Variants in COMMD7 observed in about 807,000 individuals in gnomAD.
COMMD7 encodes the protein COMM domain containing 7, also known as COMM domain-containing protein 7.
COMMD7 carries 28 observed loss-of-function variants against 34.8 expected under a neutral mutation model. That is an observed-to-expected ratio of 0.80 (90% confidence interval 0.60 to 1.10). The LOEUF is 1.10. Among genes scored for constraint, COMMD7 ranks in the 50% least tolerant of loss-of-function variants. The pLI is 0.00. For synonymous variants in COMMD7, 80 were observed against 86.4 expected, an observed-to-expected ratio of 0.93 and a Z score of 0.41; for missense variants, 211 against 241.6, an observed-to-expected ratio of 0.87 and a Z score of 0.84.
chr20:32,731,313 A>G (rs1985824462), intron 1 of COMMD7, among the ~76,000 whole-genome samples: 1 of 152,162 alleles, frequency 6.6e-6, no homozygotes, highest in African/African-American at 2.4e-5. Context: ...ACAAGATCCT[A>G]GCTCAAAAAA....
intron 3 of COMMD7, 119 bp downstream of exon 3, chr20:32,727,774 G>A (rs567853791): frequency 7.4e-4 from 577 of 784,478 alleles, no homozygotes; most frequent in Non-Finnish European, 1.1e-3. Context: ...TCCCACCCAC[G>A]TCTGGCTCAT....
At chr20:32,724,328 C>T (rs1241832491) in intron 3 of COMMD7, among the ~76,000 whole-genome samples, 3 of 20,118 alleles carry the variant, frequency 1.5e-4, no homozygotes, top group African/African-American at 4.8e-4. Context: ...GGGGGGTCAG[C>T]CCCCCGCCCG....
chr20:32,729,647 C>G (rs988673034), intron 1 of COMMD7, among the ~76,000 whole-genome samples: 3 of 150,700 alleles, frequency 2.0e-5, no homozygotes, highest in Non-Finnish European at 4.4e-5. Flanking sequence ...AGGGAGTCAT[C>G]TACAAGCCAG....
At chr20:32,720,413 T>A (rs566071274) in intron 3 of COMMD7, among the ~76,000 whole-genome samples, 1 of 152,210 alleles carries the variant, frequency 6.6e-6, no homozygotes, top group Non-Finnish European at 1.5e-5. Context: ...GAGAATCGCT[T>A]GAACCCGGGA....
intron 3 of COMMD7, among the ~76,000 whole-genome samples, chr20:32,718,979 T>C (rs1480326052): frequency 6.6e-6 from 1 of 152,156 alleles, no homozygotes; most frequent in East Asian, 1.9e-4. Context: ...ACTGATCTGG[T>C]GGTTTCTTAA....
At chr20:32,714,928 T>G (rs1048476703) in intron 3 of COMMD7, among the ~76,000 whole-genome samples, 2 of 151,648 alleles carry the variant, frequency 1.3e-5, no homozygotes, top group Non-Finnish European at 1.5e-5. Context: ...GAGAATCGCT[T>G]GAACCCAGGA....
At position 32,714,295 on chromosome 20, in the gene COMMD7, G is replaced by A. The variant is rs563244784; in HGVS notation, c.242-7535C>T. On this transcript the variant is annotated intron_variant, in intron 3 of 8. Transcript: ENST00000278980. ...GTGTGTATGTTGCTAAAAAGAACTC[G>A]TTGGGGAGTGGGGAAGGGGAGTTAC... Among the ~76,000 whole-genome samples, 63 of 152,228 alleles carry A rather than the reference G, an allele frequency of 4.1e-4. 1 individual carries two copies. The South Asian group carries it at 0.012, about 30-fold the overall frequency.
chr20:32,718,140 C>T (rs986692734), intron 3 of COMMD7, among the ~76,000 whole-genome samples: 2 of 151,464 alleles, frequency 1.3e-5, no homozygotes, highest in African/African-American at 4.8e-5. Context: ...TGCGGTGGCT[C>T]ACGCCTGTAA....
intron 3 of COMMD7, among the ~76,000 whole-genome samples, chr20:32,707,843 A>G (rs576791121): frequency 5.3e-5 from 8 of 152,108 alleles, no homozygotes; most frequent in East Asian, 1.9e-4. Flanking sequence ...TGTAGCCACT[A>G]TTGCATGTGG....
At chr20:32,737,947 TAAAAAAAA>T (rs34007684) in intron 1 of COMMD7, among the ~76,000 whole-genome samples, 1 of 144,698 alleles carries the variant, frequency 6.9e-6, no homozygotes, top group African/African-American at 2.5e-5. Flanking sequence ...TCCAGTATCT[TAAAAAAAA>T]AAAAAAGAAA....
intron 3 of COMMD7, among the ~76,000 whole-genome samples, chr20:32,727,669 T>C (rs1985592394): frequency 6.6e-6 from 1 of 151,582 alleles, no homozygotes; most frequent in African/African-American, 2.4e-5. Flanking sequence ...TAACCCAAGA[T>C]GCACACTGAA....
chr20:32,717,125 C>T (rs901920489), intron 3 of COMMD7, among the ~76,000 whole-genome samples: 2 of 151,930 alleles, frequency 1.3e-5, no homozygotes, highest in Non-Finnish European at 2.9e-5. Flanking sequence ...GCCACCGTGC[C>T]CAGCCCGGGT....
At chr20:32,704,162 C>A in intron 7 of COMMD7, 91 bp from the exon 8 acceptor site, 1 of 1,096,648 alleles carries the variant, frequency 9.1e-7, no homozygotes, top group African/African-American at 1.6e-5. Context: ...AAGCTTCCAA[C>A]CTGAGAGTCA....
chr20:32,716,957 A>G (rs1984828019), intron 3 of COMMD7, among the ~76,000 whole-genome samples: 1 of 151,828 alleles, frequency 6.6e-6, no homozygotes, highest in Admixed American at 6.6e-5. Context: ...TCAGCCTCCA[A>G]TGTAGCTGGG....
intron 3 of COMMD7, among the ~76,000 whole-genome samples, chr20:32,710,151 G>A (rs567090849): frequency 2.0e-5 from 3 of 151,970 alleles, no homozygotes; most frequent in Admixed American, 6.6e-5. Context: ...TGGGATTACA[G>A]GCATGAGCTG....
intron 3 of COMMD7, among the ~76,000 whole-genome samples, chr20:32,708,910 A>G (rs1042435251): frequency 7.2e-5 from 11 of 151,900 alleles, no homozygotes; most frequent in Non-Finnish European, 2.9e-5. Context: ...GACCTCAAGC[A>G]ATCCACCCAC....
intron 1 of COMMD7, among the ~76,000 whole-genome samples, chr20:32,734,694 G>A (rs920623732): frequency 3.3e-5 from 5 of 152,194 alleles, no homozygotes; most frequent in East Asian, 1.9e-4. Context: ...TCGGGAGGCC[G>A]AGGATGGCAG....
chr20:32,717,064 C>T (rs1277130977), intron 3 of COMMD7, among the ~76,000 whole-genome samples: 1 of 152,098 alleles, frequency 6.6e-6, no homozygotes, highest in East Asian at 1.9e-4. Context: ...ATCTCCTGAC[C>T]TCGTGATCCA....
Position 32,706,253 on chromosome 20 carries a change from C to T in COMMD7, c.336+330G>A, listed in dbSNP as rs375128555. 1.2e-3 allele frequency among the ~76,000 whole-genome samples: 175 copies of T among 151,228 alleles called. 5 individuals are homozygous for T. The South Asian group carries it at 0.027, about 24-fold the overall frequency. On this transcript the variant is annotated intron_variant, in intron 5 of 8. Transcript: ENST00000278980. ...AAGAGGTCGAGCACAGTAGCTCATG[C>T]CTGTAATCCCAGCACTTTGGGAGGC...
Sources: allele counts gnomAD v4.1 joint callset (sites outside exome capture counted in the v4.1 genomes callset), GRCh38; gene constraint gnomAD v4.1.1; transcripts MANE v1.5; gene names NCBI Gene and HGNC (gene_info 2026-07-23, HGNC 2026-07-21).